RASA3: variants seen among roughly 807,000 people sequenced by gnomAD.
RASA3 encodes the protein ras GTPase-activating protein 3.
RASA3 carries 73 observed loss-of-function variants against 110.0 expected under a neutral mutation model. The ratio of observed to expected loss-of-function variants is 0.66; its 90% CI spans 0.55 to 0.81. The LOEUF is 0.81. Among genes scored for constraint, RASA3 ranks in the 30% least tolerant of loss-of-function variants. The pLI is 0.00. For missense variants in RASA3, 976 were observed against 1,113.2 expected (o/e 0.88, Z 1.75); for synonymous variants, 500 against 451.4 (o/e 1.11, Z -1.37).
At chr13:114,043,256 A>G (rs2054454590) in intron 3 of RASA3, among the ~76,000 whole-genome samples, 2 of 152,170 alleles carry the variant, frequency 1.3e-5, no homozygotes, top group African/African-American at 4.8e-5. Context: ...CGGAAGGTGG[A>G]AAGAGGCACA....
intron 15 of RASA3, 42 bp downstream of exon 15, chr13:114,013,100 A>C: frequency 6.4e-7 from 1 of 1,564,460 alleles, no homozygotes; most frequent in Non-Finnish European, 8.7e-7. Flanking sequence ...CCGGCGTCGC[A>C]GGACAGCTCA....
At chr13:113,998,821 A>C (rs1330998309) in intron 20 of RASA3, among the ~76,000 whole-genome samples, 2 of 152,240 alleles carry the variant, frequency 1.3e-5, no homozygotes, top group Admixed American at 1.3e-4. Flanking sequence ...AGTGGGCCAG[A>C]CGGAGGGGGC....
intron 2 of RASA3, among the ~76,000 whole-genome samples, chr13:114,059,694 G>A (rs2079304770): frequency 6.6e-6 from 1 of 152,260 alleles, no homozygotes; most frequent in Non-Finnish European, 1.5e-5. Context: ...CCTCTGCCCT[G>A]CACAGTGAGA....
intron 3 of RASA3, among the ~76,000 whole-genome samples, chr13:114,041,477 A>G (rs555757261): frequency 2.0e-4 from 31 of 152,398 alleles, no homozygotes; most frequent in African/African-American, 6.7e-4. Flanking sequence ...CGTCCGCTCC[A>G]TCGGCAATGT....
intron 4 of RASA3, among the ~76,000 whole-genome samples, chr13:114,037,925 G>C (rs117752527): frequency 0.11 from 16,388 of 152,004 alleles, 1,153 homozygotes; most frequent in Middle Eastern, 0.18. Flanking sequence ...GGGGAGCCGG[G>C]AGAAGGGAGC....
intron 7 of RASA3, among the ~76,000 whole-genome samples, chr13:114,024,863 A>G (rs903025020): frequency 2.0e-5 from 3 of 152,100 alleles, no homozygotes; most frequent in Admixed American, 2.0e-4. Flanking sequence ...CAGACGGTGG[A>G]AAGTCAAGAC....
At chr13:114,030,775 C>T (rs1288948996) in intron 4 of RASA3, among the ~76,000 whole-genome samples, 2 of 149,800 alleles carry the variant, frequency 1.3e-5, no homozygotes, top group African/African-American at 4.9e-5. Flanking sequence ...GAGCATGCTG[C>T]TGTGTGTGCA....
At chr13:114,091,842 G>A (rs1176656788) in intron 1 of RASA3, among the ~76,000 whole-genome samples, 1 of 151,980 alleles carries the variant, frequency 6.6e-6, no homozygotes. Context: ...TCTTTGCTGG[G>A]AGATTTTTTG....
At chr13:114,102,216 G>A (rs906296374) in intron 1 of RASA3, among the ~76,000 whole-genome samples, 4 of 152,168 alleles carry the variant, frequency 2.6e-5, no homozygotes, top group African/African-American at 4.8e-5. Flanking sequence ...CACAGCGGGC[G>A]GGTGGTAGGC....
At chr13:114,047,425 T>C (rs9525217) in intron 3 of RASA3, among the ~76,000 whole-genome samples, 54,867 of 152,020 alleles carry the variant, frequency 0.36, 10,110 homozygotes, top group Middle Eastern at 0.48. Flanking sequence ...GGATGCGAAA[T>C]ACCTGCTGCT....
At chr13:114,131,026 G>T (rs1255817393) in intron 1 of RASA3, among the ~76,000 whole-genome samples, 1 of 152,238 alleles carries the variant, frequency 6.6e-6, no homozygotes, top group Non-Finnish European at 1.5e-5. Context: ...AGTGACAGCG[G>T]ATTTAAACCA....
chr13:114,030,653 T>A lies in RASA3; in HGVS notation c.373-766A>T, dbSNP rs115419900. On this transcript the variant is annotated intron_variant, in intron 4 of 23. Coordinates refer to ENST00000334062, the MANE Select transcript of RASA3 (RefSeq NM_007368.4). ...CAGTCTGTCTGTGTGTGCTGCTGTG[T>A]CCATCCACCTGTCTGTCTGTGTGCA... Among the ~76,000 whole-genome samples, 488 of 152,350 alleles carry A rather than the reference T, an allele frequency of 3.2e-3. 3 individuals are homozygous for A. The highest frequency in any genetic ancestry group is 0.011 in the African/African-American group (458 of 41,576).
intron 22 of RASA3, among the ~76,000 whole-genome samples, chr13:113,984,346 C>T (rs1199037402): frequency 8.1e-6 from 1 of 123,004 alleles, no homozygotes; most frequent in African/African-American, 2.7e-5. Context: ...CGTCCACCTA[C>T]CCATCACTCA....
At chr13:114,031,328 T>G (rs755070269) in intron 4 of RASA3, among the ~76,000 whole-genome samples, 2 of 151,960 alleles carry the variant, frequency 1.3e-5, no homozygotes, top group Non-Finnish European at 2.9e-5. Flanking sequence ...TCTGCCTGTC[T>G]GTGTGTTTGG....
At chr13:114,025,128 C>T (rs554420765) in intron 7 of RASA3, among the ~76,000 whole-genome samples, 4 of 152,370 alleles carry the variant, frequency 2.6e-5, no homozygotes, top group East Asian at 3.9e-4. Flanking sequence ...CCCTCCCTGC[C>T]CCCCCTTCTC....
chr13:114,130,337 C>T (rs1409183625), intron 1 of RASA3, among the ~76,000 whole-genome samples: 1 of 152,192 alleles, frequency 6.6e-6, no homozygotes, highest in Admixed American at 6.5e-5. Flanking sequence ...GCATTTGGGC[C>T]TCTCTACCCG....
At chr13:114,039,998 C>T (rs914808700) in intron 4 of RASA3, among the ~76,000 whole-genome samples, 6 of 152,244 alleles carry the variant, frequency 3.9e-5, no homozygotes, top group African/African-American at 7.2e-5. Context: ...CCCAGCCAAC[C>T]GTGGGGAAGT....
intron 1 of RASA3, among the ~76,000 whole-genome samples, chr13:114,087,757 A>C (rs943243897): frequency 5.3e-5 from 8 of 152,254 alleles, no homozygotes; most frequent in Non-Finnish European, 1.0e-4. Context: ...CAGACAACTT[A>C]TCAGAGGGCC....
chr13:114,098,313 C>A (rs946804669), intron 1 of RASA3, among the ~76,000 whole-genome samples: 1 of 152,168 alleles, frequency 6.6e-6, no homozygotes, highest in Non-Finnish European at 1.5e-5. Flanking sequence ...AACAGGCGGA[C>A]AAGGCAACAG....
Sources: gnomAD v4.1 joint callset for allele counts (sites outside exome capture counted in the v4.1 genomes callset) on GRCh38, gnomAD v4.1.1 for gene constraint, MANE v1.5 for transcripts, NCBI Gene and HGNC (gene_info 2026-07-23, HGNC 2026-07-21) for gene names.